CNTNAP2: variants seen among roughly 807,000 people sequenced by gnomAD.
CNTNAP2 encodes the protein contactin-associated protein-like 2.
CNTNAP2 carries 98 observed loss-of-function variants against 155.2 expected under a neutral mutation model. That is an observed-to-expected ratio of 0.63 (90% CI 0.54 to 0.75). The LOEUF is 0.75. Among genes scored for constraint, CNTNAP2 ranks in the 30% least tolerant of loss-of-function variants. CNTNAP2 has a pLI of 0.00. For synonymous variants in CNTNAP2, 651 were observed against 631.2 expected (o/e 1.03, Z -0.47); for missense variants, 1,727 against 1,688.1 (o/e 1.02, Z -0.40).
At chr7:147,156,745 C>T (rs1801933055) in intron 8 of CNTNAP2, among the ~76,000 whole-genome samples, 1 of 152,062 alleles carries the variant, frequency 6.6e-6, no homozygotes, top group Admixed American at 6.6e-5. Flanking sequence ...AGTTCTTCCC[C>T]AACATTGAGC....
intron 14 of CNTNAP2, among the ~76,000 whole-genome samples, chr7:147,943,288 G>A (rs1800758219): frequency 6.6e-6 from 1 of 152,064 alleles, no homozygotes; most frequent in Non-Finnish European, 1.5e-5. Context: ...GGCACACACG[G>A]CATTTTTGTG....
chr7:147,287,075 C>A (rs1319218460), intron 8 of CNTNAP2, among the ~76,000 whole-genome samples: 1 of 152,094 alleles, frequency 6.6e-6, no homozygotes, highest in African/African-American at 2.4e-5. Context: ...GTATGGGGAC[C>A]ACAGCAATGG....
chr7:147,241,501 G>A (rs537337304), intron 8 of CNTNAP2, among the ~76,000 whole-genome samples: 9 of 151,972 alleles, frequency 5.9e-5, no homozygotes, highest in African/African-American at 9.7e-5. Flanking sequence ...GGTTGCATGC[G>A]CCTGTAATCC....
In CNTNAP2 at chr7:147,762,024, C is replaced by T. The variant is rs371178560; in HGVS notation, c.2098+122718C>T. Among the ~76,000 whole-genome samples the T allele has an allele frequency of 2.8e-3, 426 of 152,120 alleles. 5 individuals carry two copies. The highest frequency in any genetic ancestry group is 0.02 in the Middle Eastern group (6 of 294). ...ACTCCATGAGAGACACAGGGAGCTA[C>T]GATGAAGACAAAAGTAAACTTAGAA... On this transcript the variant is annotated intron_variant, in intron 13 of 23. Coordinates refer to ENST00000361727, the MANE Select transcript of CNTNAP2 (RefSeq NM_014141.6).
chr7:147,346,318 C>A (rs1795861834), intron 9 of CNTNAP2, among the ~76,000 whole-genome samples: 1 of 150,860 alleles, frequency 6.6e-6, no homozygotes, highest in Non-Finnish European at 1.5e-5. Context: ...CCGCGCCCGG[C>A]TAATTTTTTG....
intron 11 of CNTNAP2, among the ~76,000 whole-genome samples, chr7:147,499,364 AC>A (rs1406540778): frequency 6.6e-6 from 1 of 151,978 alleles, no homozygotes; most frequent in African/African-American, 2.4e-5. Flanking sequence ...CCCCGTCTCT[AC>A]TAAAAATAAA....
chr7:147,834,871 ACATT>A (rs1366189423), intron 13 of CNTNAP2, among the ~76,000 whole-genome samples: 1 of 152,208 alleles, frequency 6.6e-6, no homozygotes, highest in Non-Finnish European at 1.5e-5. Context: ...TAAATAACAA[ACATT>A]CAGTTCAGTG....
intron 1 of CNTNAP2, among the ~76,000 whole-genome samples, chr7:146,534,392 G>C (rs974776861): frequency 6.6e-6 from 1 of 152,102 alleles, no homozygotes; most frequent in African/African-American, 2.4e-5. Flanking sequence ...TTTGGCTGAC[G>C]TAGGAATAAC....
At chr7:147,327,364 T>A (rs1795479700) in intron 9 of CNTNAP2, among the ~76,000 whole-genome samples, 1 of 152,194 alleles carries the variant, frequency 6.6e-6, no homozygotes, top group Non-Finnish European at 1.5e-5. Flanking sequence ...TGTGTCTGAC[T>A]CTAGACACTA....
At chr7:147,067,803 CCA>C (rs1384076159) in intron 4 of CNTNAP2, among the ~76,000 whole-genome samples, 4 of 152,190 alleles carry the variant, frequency 2.6e-5, no homozygotes, top group Admixed American at 2.6e-4. Flanking sequence ...CAGCTCAGTG[CCA>C]CACTTACCTA....
At chr7:148,087,512 C>A (rs1169368976) in intron 15 of CNTNAP2, among the ~76,000 whole-genome samples, 11 of 152,102 alleles carry the variant, frequency 7.2e-5, no homozygotes. Context: ...TTCAGTCAAC[C>A]ATAATTCATG....
intron 9 of CNTNAP2, among the ~76,000 whole-genome samples, chr7:147,353,113 A>G (rs1795997649): frequency 6.6e-6 from 1 of 151,608 alleles, no homozygotes; most frequent in African/African-American, 2.4e-5. Context: ...ACACACATGT[A>G]TATGTATATA....
chr7:147,033,587 A>T (rs1435666365), intron 3 of CNTNAP2, among the ~76,000 whole-genome samples: 2 of 151,986 alleles, frequency 1.3e-5, no homozygotes, highest in Non-Finnish European at 2.9e-5. Flanking sequence ...AAATAACAAG[A>T]CCTATGAAAT....
Position 147,292,794 on chromosome 7 carries a change from G to A in CNTNAP2, c.1349-7347G>A, listed in dbSNP as rs116360559. On this transcript the variant is annotated intron_variant, in intron 8 of 23. Transcript: ENST00000361727. ...CTGTTTGTTTGTTTATTTGAGACAG[G>A]GTTTTGCTCTTATTGACCAGGCTGG... Among the ~76,000 whole-genome samples, 1,452 of 152,070 alleles carry A rather than the reference G, an allele frequency of 9.5e-3. 19 individuals are homozygous for A. The highest frequency in any genetic ancestry group is 0.033 in the African/African-American group (1,384 of 41,482).
intron 1 of CNTNAP2, among the ~76,000 whole-genome samples, chr7:146,504,356 G>A (rs1797350968): frequency 6.6e-6 from 1 of 152,222 alleles, no homozygotes; most frequent in Non-Finnish European, 1.5e-5. Flanking sequence ...CAGTAAGGCT[G>A]TCAGCTGCCT....
chr7:146,305,038 A>G (rs927602465), intron 1 of CNTNAP2, among the ~76,000 whole-genome samples: 2 of 151,954 alleles, frequency 1.3e-5, no homozygotes, highest in African/African-American at 4.8e-5. Context: ...AATCACAGAC[A>G]CCTTTTCTTC....
chr7:147,071,101 C>T (rs1304173453), intron 4 of CNTNAP2, among the ~76,000 whole-genome samples: 1 of 152,046 alleles, frequency 6.6e-6, no homozygotes, highest in African/African-American at 2.4e-5. Flanking sequence ...AGACACATTC[C>T]TTTTATTTTG....
In CNTNAP2 at chr7:147,220,339, C is replaced by T. The variant is rs181217364; in HGVS notation, c.1349-79802C>T. Reference sequence around the variant, plus strand: ...GTTAACAAGGTACTTCTTTCTCCATCCGTTTACTTTTAATCTACACGTGTC... The same window carrying T: ...GTTAACAAGGTACTTCTTTCTCCATTCGTTTACTTTTAATCTACACGTGTC... On this transcript the variant is annotated intron_variant, in intron 8 of 23. Transcript: ENST00000361727. Among the ~76,000 whole-genome samples the T allele has an allele frequency of 2.7e-3, 404 of 152,014 alleles. 1 individual carries two copies. Among genetic ancestry groups the T allele is most frequent in the African/African-American group, 9.1e-3 (378 of 41,430 alleles).
intron 15 of CNTNAP2, among the ~76,000 whole-genome samples, chr7:148,021,883 G>A (rs1210618495): frequency 6.6e-6 from 1 of 152,148 alleles, no homozygotes; most frequent in Non-Finnish European, 1.5e-5. Flanking sequence ...CATCAGACAC[G>A]GTATACCTGC....
Sources: gnomAD v4.1 joint callset for allele counts (sites outside exome capture counted in the v4.1 genomes callset) on GRCh38, gnomAD v4.1.1 for gene constraint, MANE v1.5 for transcripts, NCBI Gene and HGNC (gene_info 2026-07-23, HGNC 2026-07-21) for gene names.